Variants in ZNF804A observed in about 807,000 individuals in gnomAD.
ZNF804A encodes zinc finger protein 804A.
Under a neutral mutation model 16.5 loss-of-function variants are expected in ZNF804A, and 2 were observed. The ratio of observed to expected loss-of-function variants is 0.12; its 90% CI spans 0.05 to 0.38. The LOEUF is 0.38. Among genes scored for constraint, ZNF804A ranks in the 10% least tolerant of loss-of-function variants. The pLI, the probability that ZNF804A is intolerant of heterozygous loss-of-function variation, is 0.99. For synonymous variants in ZNF804A, 534 were observed against 489.6 expected (o/e 1.09, Z -1.20); for missense variants, 1,473 against 1,390.7 (o/e 1.06, Z -0.94).
intron 1 of ZNF804A, among the ~76,000 whole-genome samples, chr2:184,781,909 A>G (rs1349193299): frequency 6.6e-6 from 1 of 151,884 alleles, no homozygotes; most frequent in Non-Finnish European, 1.5e-5. Flanking sequence ...TCTGGAGGCT[A>G]AAAGACTGAG....
chr2:184,681,227 G>A (rs1299057497), intron 1 of ZNF804A, among the ~76,000 whole-genome samples: 1 of 152,024 alleles, frequency 6.6e-6, no homozygotes, highest in East Asian at 1.9e-4. Flanking sequence ...GTTCCCAGAT[G>A]GAAAAGTGAC....
At chr2:184,734,406 A>C (rs1308334063) in intron 1 of ZNF804A, among the ~76,000 whole-genome samples, 2 of 152,198 alleles carry the variant, frequency 1.3e-5, no homozygotes, top group African/African-American at 4.8e-5. Context: ...AATTCTCATG[A>C]AATATCTTCT....
At chr2:184,829,911 A>AC (rs1199596562) in intron 1 of ZNF804A, among the ~76,000 whole-genome samples, 10 of 112,522 alleles carry the variant, frequency 8.9e-5, no homozygotes, top group Admixed American at 5.0e-4. Context: ...AAAAAAAAAA[A>AC]AAAAAAAAAA....
intron 1 of ZNF804A, among the ~76,000 whole-genome samples, chr2:184,677,867 G>A (rs990431144): frequency 2.0e-5 from 3 of 151,736 alleles, no homozygotes; most frequent in Non-Finnish European, 4.4e-5. Context: ...TGTTTCTATT[G>A]GAATTCGGTC....
intron 1 of ZNF804A, among the ~76,000 whole-genome samples, chr2:184,720,746 A>G (rs1029941820): frequency 6.6e-6 from 1 of 152,170 alleles, no homozygotes; most frequent in African/African-American, 2.4e-5. Context: ...TCACAGAGAT[A>G]GAACAAAAAA....
intron 1 of ZNF804A, among the ~76,000 whole-genome samples, chr2:184,726,002 G>T (rs1693402553): frequency 6.6e-6 from 1 of 151,704 alleles, no homozygotes; most frequent in African/African-American, 2.4e-5. Context: ...TTATGGTATG[G>T]ATGCACCACA....
chr2:184,870,830 GATGA>G (rs1695963715), intron 2 of ZNF804A, among the ~76,000 whole-genome samples: 1 of 151,992 alleles, frequency 6.6e-6, no homozygotes, highest in Non-Finnish European at 1.5e-5. Context: ...ACTGTTACAA[GATGA>G]ATGAGTTATT....
At chr2:184,890,560 T>A (rs1267427026) in intron 2 of ZNF804A, among the ~76,000 whole-genome samples, 1 of 152,062 alleles carries the variant, frequency 6.6e-6, no homozygotes, top group African/African-American at 2.4e-5. Flanking sequence ...TCATTAACCC[T>A]GGTTGTATAG....
intron 1 of ZNF804A, among the ~76,000 whole-genome samples, chr2:184,747,939 A>G (rs1263365963): frequency 1.3e-5 from 2 of 151,450 alleles, no homozygotes; most frequent in African/African-American, 4.8e-5. Context: ...TTTGCTTAGG[A>G]TTATGACCTC....
intron 1 of ZNF804A, among the ~76,000 whole-genome samples, chr2:184,854,043 G>C (rs956989243): frequency 6.6e-6 from 1 of 151,670 alleles, no homozygotes; most frequent in Non-Finnish European, 1.5e-5. Context: ...CAGGTCCTGG[G>C]CTTTTCTTTG....
intron 1 of ZNF804A, among the ~76,000 whole-genome samples, chr2:184,803,867 T>G (rs74515723): frequency 0.089 from 12,609 of 142,388 alleles, 1,774 homozygotes; most frequent in African/African-American, 0.3. Context: ...TCTTTTTTTT[T>G]GGGGGGGAGG....
intron 1 of ZNF804A, among the ~76,000 whole-genome samples, chr2:184,694,689 T>G (rs142507508): frequency 3.3e-5 from 5 of 152,324 alleles, no homozygotes; most frequent in African/African-American, 1.2e-4. Context: ...AATTTGAATT[T>G]CAGATAAACA....
intron 1 of ZNF804A, among the ~76,000 whole-genome samples, chr2:184,737,990 G>A (rs920752824): frequency 3.3e-5 from 5 of 151,914 alleles, no homozygotes; most frequent in Admixed American, 3.3e-4. Context: ...GCCAGGCATG[G>A]TGGTGCATGC....
chr2:184,830,195 G>GTATGTAA (rs1220847939), intron 1 of ZNF804A, among the ~76,000 whole-genome samples: 10 of 151,946 alleles, frequency 6.6e-5, no homozygotes, highest in African/African-American at 2.2e-4. Flanking sequence ...TACTACTTAT[G>GTATGTAA]TATGTAAAGT....
At chr2:184,778,908 A>C (rs1210826478) in intron 1 of ZNF804A, among the ~76,000 whole-genome samples, 1 of 151,740 alleles carries the variant, frequency 6.6e-6, no homozygotes, top group Non-Finnish European at 1.5e-5. Context: ...AAATGAGTTA[A>C]ATTTTCTATA....
chr2:184,621,515 C>G (rs1691419891), intron 1 of ZNF804A, among the ~76,000 whole-genome samples: 12 of 151,812 alleles, frequency 7.9e-5, no homozygotes, highest in Admixed American at 7.2e-4. Flanking sequence ...AAGTATGTGT[C>G]TGCATTGGTG....
At chr2:184,926,438 T>G (rs1474242148) in intron 2 of ZNF804A, among the ~76,000 whole-genome samples, 1 of 152,106 alleles carries the variant, frequency 6.6e-6, no homozygotes, top group Admixed American at 6.6e-5. Flanking sequence ...CCTTTCTTTT[T>G]CCTTGATCTT....
At chr2:184,742,669 A>G (rs538909761) in intron 1 of ZNF804A, among the ~76,000 whole-genome samples, 2 of 151,078 alleles carry the variant, frequency 1.3e-5, no homozygotes, top group South Asian at 2.1e-4. Context: ...TTTGTAAATT[A>G]TTTGTTGGTC....
chr2:184,645,251 C>A (rs1487414173), intron 1 of ZNF804A, among the ~76,000 whole-genome samples: 1 of 152,078 alleles, frequency 6.6e-6, no homozygotes, highest in African/African-American at 2.4e-5. Flanking sequence ...GTAATAACAT[C>A]CACATAGAAA....
Sources: gnomAD v4.1 joint callset for allele counts (sites outside exome capture counted in the v4.1 genomes callset) on GRCh38, gnomAD v4.1.1 for gene constraint, MANE v1.5 for transcripts, NCBI Gene and HGNC (gene_info 2026-07-23, HGNC 2026-07-21) for gene names.